CD200R1: variants seen among roughly 807,000 people sequenced by gnomAD.
CD200R1 encodes CD200 receptor 1, also known as cell surface glycoprotein CD200 receptor 1.
Under a neutral mutation model 38.1 loss-of-function variants are expected in CD200R1, and 30 were observed. That is an observed-to-expected ratio of 0.79 (90% confidence interval 0.59 to 1.07). CD200R1 has a LOEUF of 1.07. Among genes scored for constraint, CD200R1 ranks in the 50% least tolerant of loss-of-function variants. The probability of loss-of-function intolerance (pLI) is 0.00; values close to 1 mark genes in which losing one functional copy is unlikely to be tolerated. For missense variants in CD200R1, 372 were observed against 415.4 expected (o/e 0.90, Z 0.91); for synonymous variants, 128 against 152.1 (o/e 0.84, Z 1.16).
chr3:112,947,907 G>C lies in CD200R1; in HGVS notation c.85C>G (p.Gln29Glu). The change falls in exon 2 of 8, where the codon CAA (glutamine) becomes GAA (glutamate). Residue 29 changes from glutamine (Q) to glutamate (E), a missense_variant. Gln to Glu is a conservative substitution (Grantham distance 29). Transcript: ENST00000308611. Reference sequence around the variant, plus strand: ...TGCAGCATTAATGAGTTGTTTGGTTGAGCAGCACCCTCCGCTTCTGAATTT... The same window carrying C: ...TGCAGCATTAATGAGTTGTTTGGTTCAGCAGCACCCTCCGCTTCTGAATTT... ...FLVAEAEGAA[Q>E]PNNSLMLQTS... 6.2e-7 allele frequency: 1 copy of C among 1,612,438 alleles called. No homozygotes were observed.
intron 2 of CD200R1, among the ~76,000 whole-genome samples, chr3:112,937,562 G>A (rs115059433): frequency 0.022 from 3,345 of 152,200 alleles, 41 homozygotes; most frequent in South Asian, 0.048. Flanking sequence ...GTCTGTTCTC[G>A]TACAACTACC....
In CD200R1 at chr3:112,928,833, TACAG is replaced by T; in HGVS notation, c.748_751del (p.Leu250ThrfsTer2). The T allele has an allele frequency of 6.2e-7, 1 of 1,612,934 alleles. No homozygotes were observed. The highest frequency in any genetic ancestry group is 8.5e-7 in the Non-Finnish European group (1 of 1,179,438). ...TTACTGACCAGGAAGTAGCTCTATG[TACAG>T]ACTCTTGTTGCCAGTCAAATGGGAG... On this transcript the variant is annotated frameshift_variant, in exon 5 of 8. Transcript: ENST00000308611. LOFTEE classifies it high-confidence loss of function.
chr3:112,954,983 T>A (rs1941057201), intron 1 of CD200R1, among the ~76,000 whole-genome samples: 1 of 152,106 alleles, frequency 6.6e-6, no homozygotes, highest in Non-Finnish European at 1.5e-5. Flanking sequence ...CAGAATTGAA[T>A]TGAATCAGGA....
chr3:112,969,610 C>G (rs981836853), intron 1 of CD200R1, among the ~76,000 whole-genome samples: 5 of 152,136 alleles, frequency 3.3e-5, no homozygotes, highest in Admixed American at 6.5e-5. Flanking sequence ...TCCAGGGGAG[C>G]CCATATCCAA....
chr3:112,956,496 C>T (rs1015829536), intron 1 of CD200R1, among the ~76,000 whole-genome samples: 1 of 152,086 alleles, frequency 6.6e-6, no homozygotes, highest in Non-Finnish European at 1.5e-5. Flanking sequence ...CTCTGTCAGG[C>T]TATTCATACA....
At chr3:112,948,366 C>T (rs568926243) in intron 1 of CD200R1, among the ~76,000 whole-genome samples, 3 of 152,230 alleles carry the variant, frequency 2.0e-5, no homozygotes, top group South Asian at 2.1e-4. Flanking sequence ...GATGGGAAAA[C>T]GGTCCCCAAC....
chr3:112,924,588 C>T (rs1028273189), intron 6 of CD200R1, 53 bp from the exon 7 acceptor site: 22 of 1,020,198 alleles, frequency 2.2e-5, no homozygotes, highest in East Asian at 3.5e-5. Context: ...TTGTTTAGAT[C>T]GAAAATGGGA....
In CD200R1 at chr3:112,922,880, C is replaced by CAT. The variant is rs1940202868; in HGVS notation, c.*795_*796dup. 1 of 151,796 alleles carries CAT rather than the reference C, an allele frequency of 6.6e-6. No homozygotes were observed. Among genetic ancestry groups the CAT allele is most frequent in the African/African-American group, 2.4e-5 (1 of 41,388 alleles). The allele number at this position is 151,796 out of a possible 1,614,324, so 9.4% of individuals were successfully genotyped here. On this transcript the variant is annotated 3_prime_UTR_variant, in exon 8 of 8. Coordinates refer to ENST00000308611, the MANE Select transcript of CD200R1 (RefSeq NM_138806.4). ...GACATATATATTTGACACAATTTAA[C>CAT]ATATATATCAATAGTAAAATGCACA...
At position 112,923,644 on chromosome 3, in the gene CD200R1, T is replaced by G. The variant is rs1228031016; in HGVS notation, c.*33A>C. 9.8e-7 allele frequency: 1 copy of G among 1,018,524 alleles called. No homozygotes were observed. The highest frequency in any genetic ancestry group is 1.5e-6 in the Non-Finnish European group (1 of 655,806). 63.1% of individuals were successfully genotyped at this position (1,018,524 alleles called of 1,614,324 possible). A position where few individuals can be genotyped will look rare whatever the true frequency, so the allele number is the denominator to read the frequency against. ...GACAGTAATTATAATGTATCTCGTT[T>G]GTTGTTGTTTCTTGGTACTAGAGTC... On this transcript the variant is annotated 3_prime_UTR_variant, in exon 8 of 8. Transcript: ENST00000308611.
intron 2 of CD200R1, among the ~76,000 whole-genome samples, chr3:112,935,317 C>A (rs1471660034): frequency 1.3e-5 from 2 of 152,132 alleles, no homozygotes; most frequent in Non-Finnish European, 2.9e-5. Context: ...GGAACATTCT[C>A]CAGAATTGAC....
intron 1 of CD200R1, among the ~76,000 whole-genome samples, chr3:112,972,540 T>C (rs950579819): frequency 2.2e-5 from 3 of 135,168 alleles, no homozygotes; most frequent in African/African-American, 5.1e-5. Context: ...TAGAAGACAA[T>C]AGGGCTAAAA....
At chr3:112,961,304 A>G (rs1031827903) in intron 1 of CD200R1, among the ~76,000 whole-genome samples, 18 of 152,218 alleles carry the variant, frequency 1.2e-4, no homozygotes, top group African/African-American at 3.6e-4. Context: ...GATAAATACT[A>G]TTATAAGAAC....
At position 112,931,112 on chromosome 3, in the gene CD200R1, C is replaced by T. The variant is rs776810990; in HGVS notation, c.196G>A (p.Ala66Thr). 2.1e-5 allele frequency: 33 copies of T among 1,608,110 alleles called. No individual in the cohort carries two copies. The East Asian group carries it at 2.2e-4, about 11-fold the overall frequency. Residue 66 changes from alanine (A) to threonine (T), a missense_variant, in exon 3 of 8, where the codon GCA becomes ACA. Ala to Thr is a moderately conservative substitution (Grantham distance 58). Coordinates refer to ENST00000308611, the MANE Select transcript of CD200R1 (RefSeq NM_138806.4). ...TAGTAAGGAAGCATATTACCTTCTG[C>T]GAGTACTTTCGAGTAGTTCTGTGTA... ...QITQNYSKVL[A>T]EVNTSWPVKM...
At chr3:112,956,856 C>T (rs1044212623) in intron 1 of CD200R1, among the ~76,000 whole-genome samples, 1 of 152,180 alleles carries the variant, frequency 6.6e-6, no homozygotes, top group Non-Finnish European at 1.5e-5. Context: ...GGCATGCCTA[C>T]CTCTGAGGTT....
At chr3:112,965,255 A>T (rs1326550632) in intron 1 of CD200R1, among the ~76,000 whole-genome samples, 1 of 152,232 alleles carries the variant, frequency 6.6e-6, no homozygotes, top group Non-Finnish European at 1.5e-5. Context: ...AGTGACCTTA[A>T]GATCTGAAAG....
intron 1 of CD200R1, among the ~76,000 whole-genome samples, chr3:112,962,704 A>G (rs1351153075): frequency 1.3e-5 from 2 of 152,224 alleles, no homozygotes; most frequent in African/African-American, 4.8e-5. Flanking sequence ...TACATGTATC[A>G]GCTAAAGTGT....
chr3:112,930,002 T>C (rs1251880133), intron 3 of CD200R1, among the ~76,000 whole-genome samples: 1 of 152,058 alleles, frequency 6.6e-6, no homozygotes, highest in Non-Finnish European at 1.5e-5. Flanking sequence ...TGTATTAATA[T>C]ATAGTGCTTT....
At chr3:112,948,118 C>T (rs1417751181) in intron 1 of CD200R1, among the ~76,000 whole-genome samples, 194 bp from the exon 2 acceptor site, 1 of 152,166 alleles carries the variant, frequency 6.6e-6, no homozygotes, top group Non-Finnish European at 1.5e-5. Context: ...ACTTTCTCTT[C>T]CTGACTCTGG....
chr3:112,938,993 C>T (rs2107315620), intron 2 of CD200R1, among the ~76,000 whole-genome samples: 1 of 152,064 alleles, frequency 6.6e-6, no homozygotes, highest in Non-Finnish European at 1.5e-5. Context: ...TGATACATTG[C>T]ATCAACAAAA....
Sources: gnomAD v4.1 joint callset for allele counts (sites outside exome capture counted in the v4.1 genomes callset) on GRCh38, gnomAD v4.1.1 for gene constraint, MANE v1.5 for transcripts, NCBI Gene and HGNC (gene_info 2026-07-23, HGNC 2026-07-21) for gene names.